The following PARD3 variants were observed in gnomAD, a reference collection of about 807,000 sequenced individuals.
PARD3 encodes the protein partitioning defective 3 homolog.
A neutral mutation model predicts 155.4 loss-of-function variants in PARD3; 75 were observed. That is an observed-to-expected ratio of 0.48 (90% CI 0.40 to 0.58). The LOEUF (loss-of-function observed/expected upper bound fraction) is 0.58, where lower values mean the gene tolerates loss of function less well. Among genes scored for constraint, PARD3 ranks in the 20% least tolerant of loss-of-function variants. PARD3 has a pLI of 0.00. For synonymous variants in PARD3, 576 were observed against 610.5 expected, an observed-to-expected ratio of 0.94 and a Z score of 0.83; for missense variants, 1,642 against 1,721.7, an observed-to-expected ratio of 0.95 and a Z score of 0.82.
intron 22 of PARD3, among the ~76,000 whole-genome samples, chr10:34,186,178 C>T (rs2133230375): frequency 6.6e-6 from 1 of 151,930 alleles, no homozygotes; most frequent in South Asian, 2.1e-4. Flanking sequence ...AAGCTCAGGC[C>T]ACGAGGACAC....
At position 34,382,563 on chromosome 10, in the gene PARD3, C is replaced by G; in HGVS notation, c.1376G>C (p.Arg459Thr). The stretch of plus-strand genomic sequence containing the variant: ...ACCTTTCTTAAGCTGGATATTAAGC[C>G]TCTTGCCTATTTTTTTGGTGTTATA... ...SGYNTKKIGK[R>T]LNIQLKKGTE... Residue 459 changes from arginine to threonine, a missense_variant, in exon 9 of 25, where the codon AGG (arginine) becomes ACG (threonine). By Grantham distance (71) the Arg-to-Thr change is moderately conservative. Coordinates refer to ENST00000374788, the MANE Select transcript of PARD3 (RefSeq NM_001184785.2). 2 of 1,612,988 alleles carry G rather than the reference C, an allele frequency of 1.2e-6. No homozygotes were observed. The highest frequency in any genetic ancestry group is 1.7e-6 in the Non-Finnish European group (2 of 1,179,874).
intron 7 of PARD3, among the ~76,000 whole-genome samples, chr10:34,394,053 G>T (rs944827136): frequency 6.6e-6 from 1 of 151,866 alleles, no homozygotes; most frequent in African/African-American, 2.4e-5. Context: ...GGCCAGGATG[G>T]ACTCGATCTC....
At chr10:34,437,085 G>A (rs199900609) in intron 5 of PARD3, among the ~76,000 whole-genome samples, 1 of 114,396 alleles carries the variant, frequency 8.7e-6, no homozygotes, top group Non-Finnish European at 2.0e-5. Flanking sequence ...AAAAATTAAA[G>A]AATGTTATCA....
intron 2 of PARD3, among the ~76,000 whole-genome samples, chr10:34,574,144 G>A (rs2086699734): frequency 6.6e-6 from 1 of 151,746 alleles, no homozygotes; most frequent in African/African-American, 2.4e-5. Flanking sequence ...TTTTCAGTTA[G>A]GTTATATTTT....
rs576393841 is a variant in PARD3 at position 34,127,279 on chromosome 10, A to C, written c.3540+4184T>G. Among the ~76,000 whole-genome samples the C allele has an allele frequency of 2.0e-5, 3 of 152,310 alleles. No individual in the cohort carries two copies. The South Asian group carries it at 6.2e-4, about 32-fold the overall frequency. On this transcript the variant is annotated intron_variant, in intron 23 of 24. Coordinates refer to ENST00000374788, the MANE Select transcript of PARD3 (RefSeq NM_001184785.2). ...GATACAATGTCAGAAACCAGAAATA[A>C]ACTCATCAATCTGAGTTCTCAAAGA...
intron 1 of PARD3, among the ~76,000 whole-genome samples, chr10:34,770,279 T>C (rs970382314): frequency 6.6e-6 from 1 of 152,216 alleles, no homozygotes; most frequent in Admixed American, 6.5e-5. Flanking sequence ...TCCATGATCA[T>C]CTCACACCTT....
intron 2 of PARD3, among the ~76,000 whole-genome samples, chr10:34,602,183 A>T (rs2089842712): frequency 6.6e-6 from 1 of 152,250 alleles, no homozygotes; most frequent in Admixed American, 6.5e-5. Flanking sequence ...CTCAAAAGAG[A>T]AACTGCAACG....
intron 2 of PARD3, among the ~76,000 whole-genome samples, chr10:34,616,715 G>A (rs2091279943): frequency 1.3e-5 from 2 of 152,042 alleles, no homozygotes; most frequent in Non-Finnish European, 2.9e-5. Flanking sequence ...CAAGGAAGGA[G>A]GACTGCTTCA....
At chr10:34,254,376 CTCAAAA>C (rs985107841) in intron 22 of PARD3, among the ~76,000 whole-genome samples, 30 of 127,724 alleles carry the variant, frequency 2.3e-4, no homozygotes, top group Non-Finnish European at 3.9e-4. Context: ...AAGACTCTGT[CTCAAAA>C]ACAAAAACAA....
intron 22 of PARD3, among the ~76,000 whole-genome samples, chr10:34,220,047 G>T (rs1198105932): frequency 2.0e-5 from 3 of 152,142 alleles, no homozygotes; most frequent in African/African-American, 7.2e-5. Context: ...GCAGTAGCTT[G>T]CTTTTTGGGA....
intron 2 of PARD3, among the ~76,000 whole-genome samples, chr10:34,613,459 G>A (rs1163578907): frequency 6.6e-6 from 1 of 152,200 alleles, no homozygotes; most frequent in Non-Finnish European, 1.5e-5. Context: ...ATAGAGCTAT[G>A]TATCATAAAT....
chr10:34,472,970 A>T (rs1450788529), intron 3 of PARD3, among the ~76,000 whole-genome samples: 1 of 152,218 alleles, frequency 6.6e-6, no homozygotes, highest in Admixed American at 6.5e-5. Flanking sequence ...AATAATTAGC[A>T]TTTATCTCTA....
chr10:34,800,210 A>G (rs1043945633), intron 1 of PARD3, among the ~76,000 whole-genome samples: 14 of 152,142 alleles, frequency 9.2e-5, no homozygotes, highest in Admixed American at 5.2e-4. Context: ...GATTACACCA[A>G]TATCACAACT....
chr10:34,294,517 C>A (rs1374008867), intron 20 of PARD3, among the ~76,000 whole-genome samples: 1 of 152,194 alleles, frequency 6.6e-6, no homozygotes, highest in Non-Finnish European at 1.5e-5. Context: ...GTTAAGGTGA[C>A]CGTCAGCACT....
chr10:34,598,927 C>G (rs1419783131), intron 2 of PARD3, among the ~76,000 whole-genome samples: 1 of 152,152 alleles, frequency 6.6e-6, no homozygotes, highest in Non-Finnish European at 1.5e-5. Context: ...CCACCCTGCC[C>G]TTGATGGTCC....
At chr10:34,324,585 C>A (rs996320796) in intron 19 of PARD3, among the ~76,000 whole-genome samples, 1 of 152,046 alleles carries the variant, frequency 6.6e-6, no homozygotes, top group Non-Finnish European at 1.5e-5. Context: ...AGACAGGAGG[C>A]CCAGTTGGGA....
chr10:34,439,031 G>A lies in PARD3; in HGVS notation c.714+11286C>T, dbSNP rs563882558. Among the ~76,000 whole-genome samples the A allele has an allele frequency of 6.9e-4, 105 of 152,304 alleles. 1 individual carries two copies. The highest frequency in any genetic ancestry group is 6.6e-3 in the South Asian group (32 of 4,824). On this transcript the variant is annotated intron_variant, in intron 5 of 24. Coordinates refer to ENST00000374788, the MANE Select transcript of PARD3 (RefSeq NM_001184785.2). ...AGAGAGAAAAACAAGAGACATTCAC[G>A]ACTGTGAAGACAGGAGATTATGTGC...
At chr10:34,681,706 A>G (rs1173502040) in intron 2 of PARD3, among the ~76,000 whole-genome samples, 4 of 116,202 alleles carry the variant, frequency 3.4e-5, no homozygotes, top group Non-Finnish European at 5.2e-5. Flanking sequence ...TTTATATTTT[A>G]TATATGTATT....
intron 1 of PARD3, among the ~76,000 whole-genome samples, chr10:34,772,973 A>C (rs1025815028): frequency 6.6e-6 from 1 of 152,134 alleles, no homozygotes; most frequent in Admixed American, 6.5e-5. Flanking sequence ...ATTCATACCC[A>C]GGCATCTTGG....
Sources: gnomAD v4.1 joint callset for allele counts (sites outside exome capture counted in the v4.1 genomes callset) on GRCh38, gnomAD v4.1.1 for gene constraint, MANE v1.5 for transcripts, NCBI Gene and HGNC (gene_info 2026-07-23, HGNC 2026-07-21) for gene names.